Variants in TOM1L2 observed in about 807,000 individuals in gnomAD.
The protein encoded by TOM1L2 is TOM1-like protein 2.
Under a neutral mutation model 67.9 loss-of-function variants are expected in TOM1L2, and 31 were observed. The ratio of observed to expected loss-of-function variants is 0.46; its 90% CI spans 0.34 to 0.62. TOM1L2 has a LOEUF of 0.62. TOM1L2 is among the 20% of genes least tolerant of loss of function. TOM1L2 has a pLI of 0.01. For synonymous variants in TOM1L2, 256 were observed against 254.0 expected, an observed-to-expected ratio of 1.01 and a Z score of -0.07; for missense variants, 606 against 663.5, an observed-to-expected ratio of 0.91 and a Z score of 0.95.
At chr17:17,860,668 C>A (rs1029673357) in intron 12 of TOM1L2, among the ~76,000 whole-genome samples, 1 of 152,230 alleles carries the variant, frequency 6.6e-6, no homozygotes, top group Non-Finnish European at 1.5e-5. Context: ...CTGTTGTCGG[C>A]AGCTATTCCA....
At chr17:17,932,299 T>C (rs1220607860) in intron 1 of TOM1L2, among the ~76,000 whole-genome samples, 3 of 152,188 alleles carry the variant, frequency 2.0e-5, no homozygotes, top group Non-Finnish European at 4.4e-5. Context: ...TATTATTTTA[T>C]TTTTATTTTT....
chr17:17,893,328 A>G (rs572447695), intron 4 of TOM1L2, among the ~76,000 whole-genome samples: 60 of 152,006 alleles, frequency 3.9e-4, no homozygotes, highest in Admixed American at 1.7e-3. Flanking sequence ...CTGCCCTGTG[A>G]CCTCACCAAA....
At chr17:17,925,674 G>A (rs1453787830) in intron 1 of TOM1L2, among the ~76,000 whole-genome samples, 7 of 128,310 alleles carry the variant, frequency 5.5e-5, no homozygotes, top group South Asian at 5.5e-4. Context: ...ACCTCACCTC[G>A]TGTCTACCAA....
intron 7 of TOM1L2, among the ~76,000 whole-genome samples, chr17:17,878,387 G>A (rs534573062): frequency 2.6e-5 from 4 of 152,166 alleles, no homozygotes; most frequent in South Asian, 2.1e-4. Context: ...GTTGTTTCCC[G>A]GTCTATTTCC....
At chr17:17,898,075 G>A (rs1339050517) in intron 3 of TOM1L2, among the ~76,000 whole-genome samples, 1 of 151,980 alleles carries the variant, frequency 6.6e-6, no homozygotes, top group Non-Finnish European at 1.5e-5. Context: ...ACAGGCACCT[G>A]CCACCATGCC....
Position 17,847,476 on chromosome 17 carries a change from C to T in TOM1L2, c.*159G>A, listed in dbSNP as rs2035706551. On this transcript the variant is annotated 3_prime_UTR_variant, in exon 15 of 15. Transcript: ENST00000379504. ...GAGAAAAGAAGTGGCTGAAGCTGGT[C>T]CTGACTAGTGGGAGGCCTGGGAGCA... The T allele has an allele frequency of 1.1e-6, 1 of 946,850 alleles. No homozygotes were observed. Among genetic ancestry groups the T allele is most frequent in the African/African-American group, 1.7e-5 (1 of 60,550 alleles). 58.7% of individuals were successfully genotyped at this position (946,850 alleles called of 1,614,324 possible).
intron 12 of TOM1L2, among the ~76,000 whole-genome samples, chr17:17,852,158 G>A (rs998444574): frequency 1.3e-5 from 2 of 152,150 alleles, no homozygotes; most frequent in South Asian, 2.1e-4. Context: ...ATGATCTAGG[G>A]TAAGACTAAA....
Position 17,882,782 on chromosome 17 carries a change from G to C in TOM1L2, c.583C>G (p.Pro195Ala), listed in dbSNP as rs756682926. Residue 195 changes from proline (P) to alanine (A), a missense_variant, in exon 6 of 15, where the codon CCG becomes GCG. Coordinates refer to ENST00000379504, the MANE Select transcript of TOM1L2 (RefSeq NM_001082968.2). ...GGTGCGGAGTAGGGAGCAGGAGGCG[G>C]CGAGGAATAGGAACCAGCACTTGTC... ...QRTSAGSYSSPPPAPYSAPQA... is the reference protein window; with the variant it reads ...QRTSAGSYSSAPPAPYSAPQA... 5.0e-6 allele frequency: 8 copies of C among 1,614,214 alleles called. No homozygotes were observed. In the Admixed American group the frequency reaches 1.2e-4, roughly 24 times the overall value.
At chr17:17,921,345 C>G (rs1247457248) in intron 1 of TOM1L2, among the ~76,000 whole-genome samples, 1 of 152,204 alleles carries the variant, frequency 6.6e-6, no homozygotes, top group African/African-American at 2.4e-5. Context: ...GACCCAAGTT[C>G]TTTTTTAACT....
At chr17:17,893,912 C>A in intron 3 of TOM1L2, 102 bp from the exon 4 acceptor site, 1 of 1,245,074 alleles carries the variant, frequency 8.0e-7, no homozygotes, top group Non-Finnish European at 1.1e-6. Flanking sequence ...CTCTGTCTTG[C>A]TCCTAGATCA....
intron 6 of TOM1L2, 26 bp from the exon 7 acceptor site, chr17:17,879,769 G>A (rs1186078622): frequency 6.3e-7 from 1 of 1,587,366 alleles, no homozygotes; most frequent in East Asian, 2.2e-5. Context: ...AGGAAGGAAA[G>A]CAGGAAGGAA....
At chr17:17,869,861 G>T (rs115747322) in intron 7 of TOM1L2, 83 of 206,434 alleles carry the variant, frequency 4.0e-4, no homozygotes, top group African/African-American at 1.7e-3. Context: ...AATGTATCTC[G>T]CCATTCTTCT....
At chr17:17,855,729 C>T (rs1305704544) in intron 12 of TOM1L2, among the ~76,000 whole-genome samples, 2 of 152,182 alleles carry the variant, frequency 1.3e-5, no homozygotes, top group Non-Finnish European at 2.9e-5. Context: ...GTCCAGTTTT[C>T]AATGTAACAA....
At chr17:17,918,047 G>A (rs994209041) in intron 1 of TOM1L2, among the ~76,000 whole-genome samples, 1 of 152,030 alleles carries the variant, frequency 6.6e-6, no homozygotes, top group Non-Finnish European at 1.5e-5. Flanking sequence ...ACGTTTTATA[G>A]TTTTCGGTGC....
rs1363450256 is a variant in TOM1L2, at chr17:17,907,442, C to T, written c.137+5G>A. 5.0e-6 allele frequency: 8 copies of T among 1,613,610 alleles called. No individual in the cohort carries two copies. Among genetic ancestry groups the T allele is most frequent in the Non-Finnish European group, 6.8e-6 (8 of 1,179,736 alleles). On this transcript the variant is annotated splice_donor_5th_base_variant and intron_variant, in intron 2 of 14. Transcript: ENST00000379504. ...AGGCTTCCCAGGAGAGGGGGGCACA[C>T]GTACCCTTCCTCCGTCTCATTGATG...
chr17:17,908,921 G>A (rs563155470), intron 1 of TOM1L2, among the ~76,000 whole-genome samples: 7 of 152,298 alleles, frequency 4.6e-5, no homozygotes, highest in East Asian at 1.9e-4. Flanking sequence ...GGTGGCTCAC[G>A]TCTGTAATCC....
At chr17:17,875,130 G>A (rs2037357154) in intron 7 of TOM1L2, among the ~76,000 whole-genome samples, 1 of 152,054 alleles carries the variant, frequency 6.6e-6, no homozygotes, top group Non-Finnish European at 1.5e-5. Context: ...GATGGCAGGT[G>A]CCTGTAATCC....
At chr17:17,848,512 C>A (rs561346744) in intron 14 of TOM1L2, among the ~76,000 whole-genome samples, 1 of 152,246 alleles carries the variant, frequency 6.6e-6, no homozygotes, top group South Asian at 2.1e-4. Flanking sequence ...CCACAAACTG[C>A]GTGTCTGAGC....
At chr17:17,868,305 G>A (rs749294956) in intron 8 of TOM1L2, among the ~76,000 whole-genome samples, 6 of 152,164 alleles carry the variant, frequency 3.9e-5, no homozygotes, top group Non-Finnish European at 5.9e-5. Flanking sequence ...GTGTACTTCC[G>A]TAGTCAAAAG....
Sources: gnomAD v4.1 joint callset for allele counts (sites outside exome capture counted in the v4.1 genomes callset) on GRCh38, gnomAD v4.1.1 for gene constraint, MANE v1.5 for transcripts, NCBI Gene and HGNC (gene_info 2026-07-23, HGNC 2026-07-21) for gene names.